DGAT2: variants seen among roughly 807,000 people sequenced by gnomAD.
DGAT2 encodes acyl-CoA retinol O-fatty-acyltransferase.
Under a neutral mutation model 48.4 loss-of-function variants are expected in DGAT2, and 33 were observed. That is an observed-to-expected ratio of 0.68 (90% CI 0.52 to 0.91). The LOEUF is 0.91. DGAT2 is among the 40% of genes least tolerant of loss of function. The pLI is 0.00. For missense variants in DGAT2, 446 were observed against 493.7 expected, an observed-to-expected ratio of 0.90 and a Z score of 0.92; for synonymous variants, 191 against 194.1, an observed-to-expected ratio of 0.98 and a Z score of 0.13.
chr11:75,770,844 T>C (rs1944750065), intron 1 of DGAT2, among the ~76,000 whole-genome samples: 1 of 152,158 alleles, frequency 6.6e-6, no homozygotes, highest in South Asian at 2.1e-4. Context: ...TCATGGAATG[T>C]AGGAAGGGCT....
In DGAT2 at chr11:75,798,372, C is replaced by T. The variant is rs752069694; in HGVS notation, c.955C>T (p.Leu319Phe). Residue 319 changes from leucine to phenylalanine, a missense_variant, in exon 7 of 8, where the codon CTC (leucine) becomes TTC (phenylalanine). By Grantham distance (22) the Leu-to-Phe change is conservative. Transcript: ENST00000228027. The stretch of plus-strand genomic sequence containing the variant: ...CCCATGCATCTTCCATGGTCGAGGC[C>T]TCTTCTCCTCCGACACCTGGGGGCT... ...FAPCIFHGRGLFSSDTWGLVP... is the reference protein window; with the variant it reads ...FAPCIFHGRGFFSSDTWGLVP... 5 of 1,614,056 alleles carry T rather than the reference C, an allele frequency of 3.1e-6. No individual in the cohort carries two copies. Among genetic ancestry groups the T allele is most frequent in the Admixed American group, 3.3e-5 (2 of 60,026 alleles).
chr11:75,794,724 G>A (rs979980938), intron 4 of DGAT2: 1 of 152,132 alleles, frequency 6.6e-6, no homozygotes, highest in Non-Finnish European at 1.5e-5. Flanking sequence ...GGTAGAAAAT[G>A]ATATAAAAAT....
At chr11:75,794,991 T>TTCCTCTCCCCTCTCCTC (rs1365400985) in intron 4 of DGAT2, 3 of 125,938 alleles carry the variant, frequency 2.4e-5, no homozygotes, top group Non-Finnish European at 3.2e-5. Flanking sequence ...CTCTCCTCCG[T>TTCCTCTCCCCTCTCCTC]TCCTCTCCCC....
chr11:75,784,814 G>A, intron 2 of DGAT2, 68 bp downstream of exon 2: 1 of 1,606,360 alleles, frequency 6.2e-7, no homozygotes, highest in South Asian at 1.1e-5. Context: ...AGGTAGAGCA[G>A]GAGCCCTGCT....
intron 1 of DGAT2, among the ~76,000 whole-genome samples, chr11:75,775,060 A>T (rs1944791793): frequency 1.3e-5 from 2 of 152,192 alleles, no homozygotes. Context: ...ACAAAAACCC[A>T]GGTGTATGGA....
At position 75,768,963 on chromosome 11, in the gene DGAT2, G is replaced by T. The variant is rs760382365; in HGVS notation, c.-29G>T. 6.8e-7 allele frequency: 1 copy of T among 1,465,334 alleles called. No homozygotes were observed. The highest frequency in any genetic ancestry group is 2.6e-5 in the Admixed American group (1 of 38,046). The allele number at this position is 1,465,334 out of a possible 1,614,324, so 90.8% of individuals were successfully genotyped here. On this transcript the variant is annotated 5_prime_UTR_variant, in exon 1 of 8. Transcript: ENST00000228027. ...GGGGCGCGGGGTGAAGCGGCTTCCCGCGGGGCCGTGACTGGGCGGGCTTCA... is the reference window on the plus strand; with the variant it reads ...GGGGCGCGGGGTGAAGCGGCTTCCCTCGGGGCCGTGACTGGGCGGGCTTCA...
intron 1 of DGAT2, among the ~76,000 whole-genome samples, chr11:75,783,625 T>C (rs1944891675): frequency 6.6e-6 from 1 of 152,152 alleles, no homozygotes; most frequent in Non-Finnish European, 1.5e-5. Context: ...TGAAGATGTG[T>C]TGAGCAAAGG....
chr11:75,792,128 G>A (rs1308968075), intron 4 of DGAT2: 2 of 152,394 alleles, frequency 1.3e-5, no homozygotes, highest in Admixed American at 1.3e-4. Context: ...AGGATGACCT[G>A]ATGATTGTTG....
At chr11:75,796,060 C>A in intron 4 of DGAT2, 2 of 454,058 alleles carry the variant, frequency 4.4e-6, no homozygotes, top group Non-Finnish European at 8.1e-6. Flanking sequence ...CAAAGAAGAG[C>A]TGCTGTGTGC....
At chr11:75,783,152 T>C (rs1944885128) in intron 1 of DGAT2, among the ~76,000 whole-genome samples, 1 of 152,210 alleles carries the variant, frequency 6.6e-6, no homozygotes, top group Non-Finnish European at 1.5e-5. Flanking sequence ...TATTAGATGC[T>C]ACTGAACACC....
rs2135783934 is a variant in DGAT2, at chr11:75,800,882, C to G, written c.*374C>G. The G allele has an allele frequency of 4.4e-6, 1 of 228,448 alleles. No homozygotes were observed. Among genetic ancestry groups the G allele is most frequent in the East Asian group, 1.4e-4 (1 of 7,074 alleles). 14.2% of individuals were successfully genotyped at this position (228,448 alleles called of 1,614,324 possible). A position where few individuals can be genotyped will look rare whatever the true frequency, so the allele number is the denominator to read the frequency against. On this transcript the variant is annotated 3_prime_UTR_variant, in exon 8 of 8. Transcript: ENST00000228027. ...TAGGGATGAGAGGCGAAAGCCACTT[C>G]TCATACAAGCCCCTTTATTGCCACT...
chr11:75,785,708 C>T (rs1036006158), intron 2 of DGAT2, among the ~76,000 whole-genome samples: 1 of 152,248 alleles, frequency 6.6e-6, no homozygotes, highest in Non-Finnish European at 1.5e-5. Context: ...GCAACCCACT[C>T]TTCGGGACTG....
intron 4 of DGAT2, among the ~76,000 whole-genome samples, chr11:75,791,307 C>T (rs887888243): frequency 1.3e-5 from 2 of 152,200 alleles, no homozygotes; most frequent in Non-Finnish European, 2.9e-5. Flanking sequence ...GGTAACCCTG[C>T]ATCCTTCACT....
rs550803330 is a variant in DGAT2 at position 75,797,139 on chromosome 11, C to T, written c.635-19C>T. The stretch of plus-strand genomic sequence containing the variant: ...GATCCATGGGCAACCCTGACTGTTG[C>T]GTCCTTCCCTCCCCTCAGGTATCTG... On this transcript the variant is annotated intron_variant, in intron 5 of 7. Coordinates refer to ENST00000228027, the MANE Select transcript of DGAT2 (RefSeq NM_032564.5). 84 of 1,463,310 alleles carry T rather than the reference C, an allele frequency of 5.7e-5. No homozygotes were observed. Among genetic ancestry groups the T allele is most frequent in the Non-Finnish European group, 7.3e-5 (80 of 1,100,252 alleles). The allele number at this position is 1,463,310 out of a possible 1,614,324, so 90.6% of individuals were successfully genotyped here.
chr11:75,769,211 C>T, intron 1 of DGAT2, 99 bp downstream of exon 1: 1 of 1,376,566 alleles, frequency 7.3e-7, no homozygotes, highest in Non-Finnish European at 9.5e-7. Flanking sequence ...CGTTCATTCT[C>T]CACTGTGGCA....
At chr11:75,781,225 G>C (rs1944859564) in intron 1 of DGAT2, among the ~76,000 whole-genome samples, 2 of 152,256 alleles carry the variant, frequency 1.3e-5, no homozygotes, top group Admixed American at 1.3e-4. Context: ...TATCATCCCA[G>C]AGAAGGAAAG....
intron 7 of DGAT2, among the ~76,000 whole-genome samples, chr11:75,799,571 T>C (rs1222168634): frequency 6.6e-6 from 1 of 151,936 alleles, no homozygotes; most frequent in Admixed American, 6.6e-5. Flanking sequence ...TCATAAATGC[T>C]GGTCTACTCC....
At chr11:75,777,151 C>T (rs1012748344) in intron 1 of DGAT2, among the ~76,000 whole-genome samples, 5 of 151,888 alleles carry the variant, frequency 3.3e-5, no homozygotes, top group East Asian at 1.9e-4. Flanking sequence ...CACCCCCACC[C>T]CTGCCTCAAG....
intron 2 of DGAT2, 91 bp downstream of exon 2, chr11:75,784,837 G>A (rs1944904660): frequency 1.3e-6 from 2 of 1,555,136 alleles, no homozygotes; most frequent in Admixed American, 1.8e-5. Context: ...ACAGGGGTGA[G>A]GGAATAAGAG....
Sources: gnomAD v4.1 joint callset for allele counts (sites outside exome capture counted in the v4.1 genomes callset) on GRCh38, gnomAD v4.1.1 for gene constraint, MANE v1.5 for transcripts, NCBI Gene and HGNC (gene_info 2026-07-23, HGNC 2026-07-21) for gene names.